ABCC4: variants seen among roughly 807,000 people sequenced by gnomAD.
ABCC4 encodes the protein ATP binding cassette subfamily C member 4 (PEL blood group).
In ABCC4, 102 loss-of-function variants were observed where a neutral mutation model predicts 168.5. That is an observed-to-expected ratio of 0.61 (90% CI 0.52 to 0.71). The LOEUF is 0.71. Ranked by LOEUF, ABCC4 falls within the 30% of genes least tolerant of loss-of-function variation. The pLI, the probability that ABCC4 is intolerant of heterozygous loss-of-function variation, is 0.00. For synonymous variants in ABCC4, 617 were observed against 590.7 expected, an observed-to-expected ratio of 1.04 and a Z score of -0.65; for missense variants, 1,402 against 1,605.8, an observed-to-expected ratio of 0.87 and a Z score of 2.17.
At chr13:95,166,554 CTG>C (rs1275037232) in intron 14 of ABCC4, among the ~76,000 whole-genome samples, 187 bp from the exon 15 acceptor site, 1 of 152,166 alleles carries the variant, frequency 6.6e-6, no homozygotes, top group Non-Finnish European at 1.5e-5. Flanking sequence ...CAGCCAGACT[CTG>C]TGTTAGGTCC....
At chr13:95,290,088 C>G (rs1405719975) in intron 1 of ABCC4, among the ~76,000 whole-genome samples, 1 of 136,098 alleles carries the variant, frequency 7.3e-6, no homozygotes, top group Non-Finnish European at 1.7e-5. Flanking sequence ...AAGAGCAAAA[C>G]TCTGTCTCAA....
chr13:95,135,760 TTAA>T (rs2036125914), intron 19 of ABCC4, among the ~76,000 whole-genome samples: 1 of 152,160 alleles, frequency 6.6e-6, no homozygotes, highest in South Asian at 2.1e-4. Context: ...AACACCCATA[TTAA>T]TAAGAGAAAA....
chr13:95,126,724 T>A (rs2035775981), intron 19 of ABCC4, among the ~76,000 whole-genome samples: 1 of 52,342 alleles, frequency 1.9e-5, no homozygotes, highest in Non-Finnish European at 4.3e-5. Context: ...TTTTGGAATA[T>A]ATATATATAT....
At chr13:95,289,808 A>G (rs1231430646) in intron 1 of ABCC4, among the ~76,000 whole-genome samples, 1 of 152,158 alleles carries the variant, frequency 6.6e-6, no homozygotes, top group Non-Finnish European at 1.5e-5. Flanking sequence ...TTTTTAAAAT[A>G]TTGATGTGCG....
intron 26 of ABCC4, among the ~76,000 whole-genome samples, chr13:95,055,330 A>G (rs1441266299): frequency 6.6e-6 from 1 of 152,256 alleles, no homozygotes; most frequent in African/African-American, 2.4e-5. Context: ...GTAAACATAC[A>G]ATCTTCATGT....
chr13:95,194,464 A>C (rs2038354213), intron 9 of ABCC4, among the ~76,000 whole-genome samples: 1 of 152,116 alleles, frequency 6.6e-6, no homozygotes, highest in African/African-American at 2.4e-5. Context: ...TGATACCCCA[A>C]AGTCTCCGTA....
At position 95,259,144 on chromosome 13, in the gene ABCC4, T is replaced by C. The variant is rs373772929; in HGVS notation, c.75-11391A>G. Among the ~76,000 whole-genome samples the C allele has an allele frequency of 1.8e-4, 27 of 152,132 alleles. 1 individual carries two copies. In the East Asian group the frequency reaches 3.5e-3, roughly 20 times the overall value. Reference sequence around the variant, plus strand: ...GCTCACGCCTGTAATCCCGGCACTTTAGGAGGCTGAGGCAGGTGGATCACC... The same window carrying C: ...GCTCACGCCTGTAATCCCGGCACTTCAGGAGGCTGAGGCAGGTGGATCACC... On this transcript the variant is annotated intron_variant, in intron 1 of 30. Transcript: ENST00000645237.
At chr13:95,043,270 C>T (rs1341781890) in intron 29 of ABCC4, 4 of 158,818 alleles carry the variant, frequency 2.5e-5, no homozygotes, top group African/African-American at 9.6e-5. Context: ...CATAGAAGTT[C>T]TGCAACCTTA....
chr13:95,248,651 G>T (rs1048999560), intron 1 of ABCC4, among the ~76,000 whole-genome samples: 8 of 151,834 alleles, frequency 5.3e-5, no homozygotes, highest in African/African-American at 1.4e-4. Context: ...GCTCACACCT[G>T]TAACTCCAGA....
Position 95,265,522 on chromosome 13 carries a change from A to G in ABCC4, c.75-17769T>C, listed in dbSNP as rs189410920. 3.0e-4 allele frequency among the ~76,000 whole-genome samples: 46 copies of G among 152,304 alleles called. 1 individual carries two copies. The highest frequency in any genetic ancestry group is 6.2e-4 in the South Asian group (3 of 4,826). ...ACAGTGGCTCATGCCTGTAATCCCA[A>G]CACTTTGGGAGGCTGAGGCTCGAGG... On this transcript the variant is annotated intron_variant, in intron 1 of 30. Coordinates refer to ENST00000645237, the MANE Select transcript of ABCC4 (RefSeq NM_005845.5).
intron 1 of ABCC4, among the ~76,000 whole-genome samples, chr13:95,281,299 C>CAAAA (rs10541756): frequency 8.2e-5 from 4 of 48,728 alleles, no homozygotes; most frequent in East Asian, 1.2e-3. Context: ...GAGACTCTCT[C>CAAAA]AAAAAAAAAA....
At chr13:95,240,113 G>A (rs970120639) in intron 3 of ABCC4, among the ~76,000 whole-genome samples, 4 of 152,132 alleles carry the variant, frequency 2.6e-5, no homozygotes, top group African/African-American at 9.7e-5. Flanking sequence ...CTAACTTCTG[G>A]TACCAGATGG....
At chr13:95,188,306 T>C in intron 10 of ABCC4, 147 bp downstream of exon 10, 2 of 719,282 alleles carry the variant, frequency 2.8e-6, no homozygotes, top group Non-Finnish European at 4.9e-6. Context: ...TGACCCTTCT[T>C]GCAAAACGAA....
At chr13:95,024,765 G>T (rs1448300299) in intron 30 of ABCC4, among the ~76,000 whole-genome samples, 2 of 152,094 alleles carry the variant, frequency 1.3e-5, no homozygotes, top group Non-Finnish European at 2.9e-5. Flanking sequence ...GACTTAGAAA[G>T]GACTTCTGCT....
intron 21 of ABCC4, among the ~76,000 whole-genome samples, chr13:95,082,592 C>A (rs971926510): frequency 6.6e-6 from 1 of 152,154 alleles, no homozygotes; most frequent in African/African-American, 2.4e-5. Flanking sequence ...CTTATCTTTT[C>A]AAAACGTTTA....
chr13:95,190,970 C>T (rs1011417607), intron 9 of ABCC4, among the ~76,000 whole-genome samples: 1 of 152,202 alleles, frequency 6.6e-6, no homozygotes, highest in Non-Finnish European at 1.5e-5. Flanking sequence ...GCAGCCTCCT[C>T]AACTCTAGAA....
intron 8 of ABCC4, 34 bp downstream of exon 8, chr13:95,206,498 C>T: frequency 6.2e-7 from 1 of 1,603,604 alleles, no homozygotes; most frequent in South Asian, 1.1e-5. Flanking sequence ...ACTTCAAATG[C>T]ACCTACAACT....
rs561997243 is a variant in ABCC4, at chr13:95,245,094, C to T, written c.306+1881G>A. Among the ~76,000 whole-genome samples, 6 of 152,312 alleles carry T rather than the reference C, an allele frequency of 3.9e-5. No individual in the cohort carries two copies. In the East Asian group the frequency reaches 7.7e-4, roughly 20 times the overall value. ...TGTGCCTGCTTCTCCCAAAAGCTTA[C>T]CCAAATCTCACTGTAGTCCAGTCAC... On this transcript the variant is annotated intron_variant, in intron 3 of 30. Transcript: ENST00000645237.
At chr13:95,300,579 C>A (rs1484600164) in intron 1 of ABCC4, among the ~76,000 whole-genome samples, 1 of 152,076 alleles carries the variant, frequency 6.6e-6, no homozygotes, top group African/African-American at 2.4e-5. Context: ...CACAAAGAGG[C>A]AAAAGGAGAG....
Sources: allele counts gnomAD v4.1 joint callset (sites outside exome capture counted in the v4.1 genomes callset), GRCh38; gene constraint gnomAD v4.1.1; transcripts MANE v1.5; gene names NCBI Gene and HGNC (gene_info 2026-07-23, HGNC 2026-07-21).